The following SCLT1 variants were observed in gnomAD, a reference collection of about 807,000 sequenced individuals.
SCLT1 encodes the protein sodium channel-associated protein 1.
Under a neutral mutation model 112.8 loss-of-function variants are expected in SCLT1, and 78 were observed. That is an observed-to-expected ratio of 0.69 (90% CI 0.58 to 0.83). SCLT1 has a LOEUF of 0.83. Among genes scored for constraint, SCLT1 ranks in the 40% least tolerant of loss-of-function variants. The pLI, the probability that SCLT1 is intolerant of heterozygous loss-of-function variation, is 0.00. For synonymous variants in SCLT1, 257 were observed against 254.7 expected (o/e 1.01, Z -0.09); for missense variants, 747 against 770.4 (o/e 0.97, Z 0.36).
intron 18 of SCLT1, among the ~76,000 whole-genome samples, chr4:128,933,739 A>G (rs1004819124): frequency 5.3e-5 from 8 of 152,078 alleles, no homozygotes; most frequent in African/African-American, 1.9e-4. Context: ...TCCAATTCCA[A>G]TTTAGAACTA....
chr4:129,051,562 T>G (rs1181222390), intron 2 of SCLT1, among the ~76,000 whole-genome samples: 3 of 152,218 alleles, frequency 2.0e-5, no homozygotes, highest in Non-Finnish European at 2.9e-5. Context: ...CTTGGATTTT[T>G]GCACATTGAT....
chr4:128,889,308 G>C (rs543485708), intron 19 of SCLT1, among the ~76,000 whole-genome samples: 1 of 152,270 alleles, frequency 6.6e-6, no homozygotes, highest in South Asian at 2.1e-4. Flanking sequence ...AGATCATTAG[G>C]GTGGACCATA....
intron 4 of SCLT1, among the ~76,000 whole-genome samples, chr4:129,040,710 C>G (rs1747620955): frequency 6.6e-6 from 1 of 152,066 alleles, no homozygotes; most frequent in Admixed American, 6.5e-5. Context: ...GGCAGAAAAT[C>G]GTCCATATAG....
At chr4:128,891,286 A>G (rs1334049254) in intron 18 of SCLT1, 149 bp from the exon 19 acceptor site, 2 of 615,576 alleles carry the variant, frequency 3.2e-6, no homozygotes, top group Non-Finnish European at 2.8e-6. Flanking sequence ...TATCTCAAGG[A>G]CTTGTTTATT....
intron 18 of SCLT1, among the ~76,000 whole-genome samples, chr4:128,931,742 G>C (rs1348544947): frequency 6.6e-6 from 1 of 152,302 alleles, no homozygotes; most frequent in South Asian, 2.1e-4. Flanking sequence ...GATTACAGGC[G>C]TGAGCCACCG....
chr4:128,895,866 GC>G (rs1733706669), intron 18 of SCLT1, among the ~76,000 whole-genome samples: 1 of 152,224 alleles, frequency 6.6e-6, no homozygotes, highest in South Asian at 2.1e-4. Context: ...AACAGTCTTA[GC>G]AAACGGCACA....
chr4:129,082,120 T>C (rs1183046411), intron 2 of SCLT1, among the ~76,000 whole-genome samples, 186 bp downstream of exon 2: 1 of 152,152 alleles, frequency 6.6e-6, no homozygotes, highest in African/African-American at 2.4e-5. Flanking sequence ...TTATATATCA[T>C]ATATAATATA....
At chr4:128,917,902 T>A (rs1012374067) in intron 18 of SCLT1, among the ~76,000 whole-genome samples, 5 of 152,044 alleles carry the variant, frequency 3.3e-5, no homozygotes, top group Non-Finnish European at 7.4e-5. Flanking sequence ...CAAAAGAGCA[T>A]CACTTCAAGG....
intron 2 of SCLT1, among the ~76,000 whole-genome samples, chr4:129,056,999 A>G (rs1749460320): frequency 6.6e-6 from 1 of 152,224 alleles, no homozygotes; most frequent in South Asian, 2.1e-4. Flanking sequence ...GGGCTGAGAT[A>G]CATTACTTTT....
At chr4:129,024,922 T>C (rs1745887505) in intron 5 of SCLT1, among the ~76,000 whole-genome samples, 1 of 152,112 alleles carries the variant, frequency 6.6e-6, no homozygotes, top group Non-Finnish European at 1.5e-5. Flanking sequence ...CAGGAGCCGA[T>C]GCGATCAACT....
chr4:128,933,393 C>G (rs910864584), intron 18 of SCLT1, among the ~76,000 whole-genome samples: 1 of 151,894 alleles, frequency 6.6e-6, no homozygotes, highest in Non-Finnish European at 1.5e-5. Flanking sequence ...TGATATGTTT[C>G]AATTTATTGC....
chr4:129,069,049 G>A (rs1010169846), intron 2 of SCLT1, among the ~76,000 whole-genome samples: 7 of 152,092 alleles, frequency 4.6e-5, no homozygotes, highest in Non-Finnish European at 1.0e-4. Context: ...CCCACTTGAT[G>A]TTTTTGTTTG....
chr4:128,893,131 C>T (rs1420073126), intron 18 of SCLT1, among the ~76,000 whole-genome samples: 1 of 152,066 alleles, frequency 6.6e-6, no homozygotes, highest in African/African-American at 2.4e-5. Flanking sequence ...TAAAGTTAGC[C>T]AACATTCAGT....
chr4:128,918,777 T>C (rs1038387282), intron 18 of SCLT1, among the ~76,000 whole-genome samples: 15 of 152,070 alleles, frequency 9.9e-5, no homozygotes, highest in African/African-American at 3.6e-4. Context: ...GGATTGCTAT[T>C]CTAATTTCAG....
chr4:129,016,013 T>C (rs1169054528), intron 5 of SCLT1, among the ~76,000 whole-genome samples: 1 of 152,190 alleles, frequency 6.6e-6, no homozygotes, highest in Non-Finnish European at 1.5e-5. Flanking sequence ...TCTTCTAAAT[T>C]AAGTTGCACT....
intron 18 of SCLT1, among the ~76,000 whole-genome samples, chr4:128,932,106 T>C (rs1736823937): frequency 6.6e-6 from 1 of 152,210 alleles, no homozygotes; most frequent in African/African-American, 2.4e-5. Flanking sequence ...TTTGTTCCCA[T>C]ACCAGATCTC....
At chr4:128,901,533 G>A (rs888997818) in intron 18 of SCLT1, among the ~76,000 whole-genome samples, 9 of 151,620 alleles carry the variant, frequency 5.9e-5, no homozygotes, top group East Asian at 1.9e-4. Flanking sequence ...GGGTGGTGGG[G>A]GGGGGGAGGG....
At chr4:129,040,504 G>C (rs1747605506) in intron 4 of SCLT1, among the ~76,000 whole-genome samples, 1 of 152,058 alleles carries the variant, frequency 6.6e-6, no homozygotes, top group Admixed American at 6.5e-5. Context: ...AACTATCAGT[G>C]CATCTTAAAG....
intron 20 of SCLT1, among the ~76,000 whole-genome samples, chr4:128,886,574 C>A (rs1732910609): frequency 6.6e-6 from 1 of 152,094 alleles, no homozygotes; most frequent in African/African-American, 2.4e-5. Flanking sequence ...GAAGAAATTC[C>A]TTTTTGGGTA....
Sources: allele counts gnomAD v4.1 joint callset (sites outside exome capture counted in the v4.1 genomes callset), GRCh38; gene constraint gnomAD v4.1.1; transcripts MANE v1.5; gene names NCBI Gene and HGNC (gene_info 2026-07-23, HGNC 2026-07-21).